MIB1: variants seen among roughly 807,000 people sequenced by gnomAD.
MIB1 encodes the protein MIB E3 ubiquitin protein ligase 1, also known as E3 ubiquitin-protein ligase MIB1.
In MIB1, 278 loss-of-function variants were observed where a neutral mutation model predicts 124.5. That is an observed-to-expected ratio of 2.23 (90% CI 2.02 to 2.47). The LOEUF is 2.47. MIB1 is among the 30% of genes most tolerant of loss of function. The pLI, the probability that MIB1 is intolerant of heterozygous loss-of-function variation, is 0.00. For missense variants in MIB1, 957 were observed against 1,254.4 expected, an observed-to-expected ratio of 0.76 and a Z score of 3.58; for synonymous variants, 446 against 429.4, an observed-to-expected ratio of 1.04 and a Z score of -0.48.
intron 1 of MIB1, among the ~76,000 whole-genome samples, chr18:21,749,384 CTT>C (rs1403803807): frequency 6.6e-6 from 1 of 152,012 alleles, no homozygotes; most frequent in African/African-American, 2.4e-5. Context: ...CTTAACTATT[CTT>C]TTGATAGACA....
chr18:21,796,770 C>T (rs966561162), intron 7 of MIB1, among the ~76,000 whole-genome samples: 5 of 152,112 alleles, frequency 3.3e-5, no homozygotes, highest in Admixed American at 1.3e-4. Flanking sequence ...AAATGAGCCT[C>T]GTACCAGGTA....
chr18:21,840,825 T>C (rs2042081825), intron 13 of MIB1, among the ~76,000 whole-genome samples: 2 of 151,536 alleles, frequency 1.3e-5, no homozygotes, highest in South Asian at 4.2e-4. Context: ...AGCAAGACCT[T>C]GTCTTAAAAA....
chr18:21,741,608 G>A lies in MIB1; in HGVS notation c.25G>A (p.Val9Met). 6.3e-7 allele frequency: 1 copy of A among 1,588,706 alleles called. No homozygotes were observed. Among genetic ancestry groups the A allele is most frequent in the Non-Finnish European group, 8.5e-7 (1 of 1,170,142 alleles). The change falls in exon 1 of 21, where the codon GTG becomes ATG. Residue 9 changes from valine (V) to methionine (M), a missense_variant. Transcript: ENST00000261537. This position sits in a 1 kb window ranked among gnomAD's most constrained non-coding sequence, Gnocchi z 5.4. ...GATGAGTAACTCCCGGAATAACCGG[G>A]TGATGGTGGAAGGGGTTGGCGCTCG... The part of the protein sequence containing the change: MSNSRNNR[V>M]MVEGVGARVV...
intron 3 of MIB1, among the ~76,000 whole-genome samples, chr18:21,772,782 A>T (rs913424299): frequency 1.4e-4 from 21 of 152,112 alleles, no homozygotes; most frequent in African/African-American, 5.1e-4. Flanking sequence ...ATTTTAGCTT[A>T]GGTGGCCTGC....
At position 21,831,649 on chromosome 18, in the gene MIB1, CT is replaced by C. The variant is rs35046389; in HGVS notation, c.1830-6704del. On this transcript the variant is annotated intron_variant, in intron 12 of 20. Coordinates refer to ENST00000261537, the MANE Select transcript of MIB1 (RefSeq NM_020774.4). ...GCTTAGCCATTTGTCCTGCCCCCCACTTTTTTTTTTTTGAGGGGGGGTAAGC... is the reference window on the plus strand; with the variant it reads ...GCTTAGCCATTTGTCCTGCCCCCCACTTTTTTTTTTTGAGGGGGGGTAAGC... 1.4e-3 allele frequency among the ~76,000 whole-genome samples: 212 copies of C among 146,430 alleles called. 1 individual carries two copies. The highest frequency in any genetic ancestry group is 3.5e-3 in the Middle Eastern group (1 of 284).
chr18:21,794,961 G>A (rs2041556310), intron 7 of MIB1, among the ~76,000 whole-genome samples: 1 of 151,970 alleles, frequency 6.6e-6, no homozygotes, highest in Non-Finnish European at 1.5e-5. Flanking sequence ...CAAAACGACT[G>A]TAGAGACATC....
At chr18:21,855,380 GA>G (rs1446251799) in intron 18 of MIB1, among the ~76,000 whole-genome samples, 4 of 152,168 alleles carry the variant, frequency 2.6e-5, no homozygotes, top group African/African-American at 9.7e-5. Flanking sequence ...AAACAATACA[GA>G]TAGAAACAAC....
rs1280935153 is a variant in MIB1, at chr18:21,815,756, AG to A, written c.1622del (p.Gly541ValfsTer6). ...CACCACTTCATATTGCTGTCAATAA[AG>A]GTCATCTTCAAGTTGTGAAGACTTT... ...QTPLHIAVNKGHLQVVKTLLD... is the reference protein window; with the variant it reads ...QTPLHIAVNKXHLQVVKTLLD... On this transcript the variant is annotated frameshift_variant, in exon 11 of 21. Transcript: ENST00000261537. LOFTEE classifies it high-confidence loss of function. 8.1e-6 allele frequency: 13 copies of A among 1,614,060 alleles called. No homozygotes were observed. The highest frequency in any genetic ancestry group is 1.0e-5 in the Non-Finnish European group (12 of 1,180,034).
At chr18:21,838,067 T>C (rs2042049693) in intron 12 of MIB1, among the ~76,000 whole-genome samples, 2 of 152,162 alleles carry the variant, frequency 1.3e-5, no homozygotes, top group African/African-American at 4.8e-5. Context: ...TCTGTTTTGA[T>C]TCTATTTCCC....
At chr18:21,762,837 A>C (rs1243978557) in intron 1 of MIB1, among the ~76,000 whole-genome samples, 5 of 152,152 alleles carry the variant, frequency 3.3e-5, no homozygotes, top group South Asian at 2.1e-4. Flanking sequence ...AATGTTCCCC[A>C]TATACAGTCT....
At chr18:21,846,808 C>G in intron 15 of MIB1, 136 bp from the exon 16 acceptor site, 1 of 758,362 alleles carries the variant, frequency 1.3e-6, no homozygotes, top group East Asian at 2.6e-5. Flanking sequence ...TTGAGAAAAC[C>G]AGGGGTAGAG....
At chr18:21,775,197 G>A (rs938208368) in intron 4 of MIB1, among the ~76,000 whole-genome samples, 3 of 151,436 alleles carry the variant, frequency 2.0e-5, no homozygotes, top group African/African-American at 4.9e-5. Context: ...CACCTGCCTC[G>A]GCCTCCCAAA....
At chr18:21,804,840 C>G (rs1041191017) in intron 10 of MIB1, among the ~76,000 whole-genome samples, 3 of 152,036 alleles carry the variant, frequency 2.0e-5, no homozygotes, top group Non-Finnish European at 4.4e-5. Context: ...TAAAAAGATG[C>G]ATATTGGAAA....
At chr18:21,849,117 C>T in intron 16 of MIB1, 79 bp from the exon 17 acceptor site, 1 of 890,296 alleles carries the variant, frequency 1.1e-6, no homozygotes, top group Middle Eastern at 2.4e-4. Context: ...ACTAATGATG[C>T]TCCAGGTATA....
At chr18:21,750,945 C>A (rs532230374) in intron 1 of MIB1, among the ~76,000 whole-genome samples, 42 of 152,172 alleles carry the variant, frequency 2.8e-4, no homozygotes, top group Non-Finnish European at 4.4e-4. Flanking sequence ...GCCTGTAATC[C>A]TAGCACTTTG....
chr18:21,829,376 G>A (rs956595833), intron 12 of MIB1: 4 of 181,106 alleles, frequency 2.2e-5, no homozygotes, highest in Admixed American at 6.4e-5. Flanking sequence ...AGTGTATTTC[G>A]GAAACTTAAG....
At chr18:21,758,480 A>C (rs2041059836) in intron 1 of MIB1, among the ~76,000 whole-genome samples, 1 of 152,150 alleles carries the variant, frequency 6.6e-6, no homozygotes, top group South Asian at 2.1e-4. Context: ...GGTTTGTTGA[A>C]TGACATCAAC....
At chr18:21,788,319 C>T (rs933717610) in intron 6 of MIB1, among the ~76,000 whole-genome samples, 13 of 152,146 alleles carry the variant, frequency 8.5e-5, no homozygotes, top group African/African-American at 3.1e-4. Context: ...CATTAAGTTG[C>T]TTACCTAGGT....
chr18:21,705,710 A>C (rs1453576526), intron 1 of MIB1, among the ~76,000 whole-genome samples: 2 of 152,224 alleles, frequency 1.3e-5, no homozygotes, highest in Non-Finnish European at 2.9e-5. Flanking sequence ...TGGGGACATG[A>C]GACGGACCAG....
Sources: allele counts gnomAD v4.1 joint callset (sites outside exome capture counted in the v4.1 genomes callset), GRCh38; gene constraint gnomAD v4.1.1; non-coding constraint Gnocchi (gnomAD v3.1); transcripts MANE v1.5; gene names NCBI Gene and HGNC (gene_info 2026-07-23, HGNC 2026-07-21).